The following THSD7A variants were observed in gnomAD, a reference collection of about 807,000 sequenced individuals.
THSD7A encodes thrombospondin type 1 domain containing 7A.
In THSD7A, 96 loss-of-function variants were observed where a neutral mutation model predicts 231.3. The ratio of observed to expected loss-of-function variants is 0.41; its 90% CI spans 0.35 to 0.49. The LOEUF (loss-of-function observed/expected upper bound fraction) is 0.49. Ranked by LOEUF, THSD7A falls within the 20% of genes least tolerant of loss-of-function variation. The pLI is 0.05. For missense variants in THSD7A, 2,290 were observed against 2,070.2 expected (o/e 1.11, Z -2.06); for synonymous variants, 940 against 743.3 (o/e 1.26, Z -4.30).
intron 4 of THSD7A, among the ~76,000 whole-genome samples, chr7:11,567,328 T>C (rs998237014): frequency 2.0e-5 from 3 of 151,706 alleles, no homozygotes; most frequent in Non-Finnish European, 2.9e-5. Flanking sequence ...TATAAAACCA[T>C]CAAATCTCGT....
chr7:11,412,244 C>T (rs1450546399), intron 18 of THSD7A, among the ~76,000 whole-genome samples: 2 of 152,136 alleles, frequency 1.3e-5, no homozygotes, highest in Non-Finnish European at 2.9e-5. Context: ...GCTGACTAAT[C>T]ATGTTTATAA....
At chr7:11,822,400 G>A (rs1011303231) in intron 1 of THSD7A, among the ~76,000 whole-genome samples, 2 of 152,084 alleles carry the variant, frequency 1.3e-5, no homozygotes, top group African/African-American at 4.8e-5. Context: ...TGGCTGAATA[G>A]TATTATATTG....
intron 2 of THSD7A, among the ~76,000 whole-genome samples, chr7:11,626,328 A>G (rs1000079866): frequency 5.3e-5 from 8 of 152,158 alleles, no homozygotes; most frequent in African/African-American, 1.9e-4. Context: ...TTTGCAGGTG[A>G]TGAATATGTT....
At chr7:11,609,758 T>C (rs1273836605) in intron 2 of THSD7A, among the ~76,000 whole-genome samples, 2 of 152,298 alleles carry the variant, frequency 1.3e-5, no homozygotes, top group East Asian at 3.9e-4. Context: ...ATTCAATCTG[T>C]TTAAAAACAT....
intron 1 of THSD7A, among the ~76,000 whole-genome samples, chr7:11,816,912 A>T (rs1434508054): frequency 6.6e-6 from 1 of 152,214 alleles, no homozygotes; most frequent in African/African-American, 2.4e-5. Flanking sequence ...GCATGCATCT[A>T]GATATGCAGA....
chr7:11,420,627 C>G (rs1784112725), intron 16 of THSD7A, among the ~76,000 whole-genome samples: 1 of 152,218 alleles, frequency 6.6e-6, no homozygotes, highest in Middle Eastern at 3.2e-3. Context: ...CACACAGAGT[C>G]CCCACTGGGG....
chr7:11,693,507 C>A (rs75397938), intron 1 of THSD7A, among the ~76,000 whole-genome samples: 4,764 of 151,578 alleles, frequency 0.031, 258 homozygotes, highest in African/African-American at 0.11. Context: ...AGATTAACAT[C>A]TAGTCTTTGT....
chr7:11,470,279 T>A (rs989517578), intron 8 of THSD7A, among the ~76,000 whole-genome samples: 2 of 152,092 alleles, frequency 1.3e-5, no homozygotes, highest in Non-Finnish European at 2.9e-5. Context: ...CCTCTTATAA[T>A]CTCTCCATTA....
At position 11,382,543 on chromosome 7, in the gene THSD7A, C is replaced by A; in HGVS notation, c.4485G>T (p.Arg1495Ser). The A allele has an allele frequency of 2.5e-6, 4 of 1,612,682 alleles. No individual in the cohort carries two copies. Among genetic ancestry groups the A allele is most frequent in the South Asian group, 1.1e-5 (1 of 90,966 alleles). Residue 1495 changes from arginine to serine, a missense_variant, in exon 24 of 28, where the codon AGG becomes AGT. Transcript: ENST00000423059. Reference sequence around the variant, plus strand: ...TACCTGTTACATTTATACCATCTGACCTTTGACACCACACTGTTCGGGAAG... The same window carrying A: ...TACCTGTTACATTTATACCATCTGAACTTTGACACCACACTGTTCGGGAAG... ...KGSSRTVWCQ[R>S]SDGINVTGGC...
At chr7:11,753,974 G>A (rs188120140) in intron 1 of THSD7A, among the ~76,000 whole-genome samples, 1 of 151,818 alleles carries the variant, frequency 6.6e-6, no homozygotes, top group African/African-American at 2.4e-5. Flanking sequence ...ACTATGGAAA[G>A]GACAAAATCT....
At chr7:11,407,500 A>G (rs1459262549) in intron 19 of THSD7A, 77 bp from the exon 20 acceptor site, 3 of 1,092,816 alleles carry the variant, frequency 2.7e-6, no homozygotes, top group Admixed American at 2.2e-5. Flanking sequence ...ACAAGAAAGA[A>G]GAGAAGGAGG....
intron 1 of THSD7A, among the ~76,000 whole-genome samples, chr7:11,687,281 TAAG>T (rs1780088265): frequency 6.6e-6 from 1 of 151,974 alleles, no homozygotes; most frequent in South Asian, 2.1e-4. Flanking sequence ...CGCTAATCAC[TAAG>T]AAGAAGAAAT....
At chr7:11,578,547 C>G (rs1030807838) in intron 4 of THSD7A, among the ~76,000 whole-genome samples, 1 of 152,192 alleles carries the variant, frequency 6.6e-6, no homozygotes, top group African/African-American at 2.4e-5. Context: ...GGATAAAACA[C>G]TATGCCCTCT....
chr7:11,750,889 C>T (rs1782478504), intron 1 of THSD7A, among the ~76,000 whole-genome samples: 1 of 151,966 alleles, frequency 6.6e-6, no homozygotes. Flanking sequence ...GATTACTAGA[C>T]AATAGAGTCA....
chr7:11,456,106 A>G (rs928986911), intron 11 of THSD7A, among the ~76,000 whole-genome samples: 8 of 152,052 alleles, frequency 5.3e-5, no homozygotes, highest in Non-Finnish European at 1.5e-5. Context: ...CTGAATCATA[A>G]TAGGTGACCT....
chr7:11,735,457 C>A (rs1562516234), intron 1 of THSD7A, among the ~76,000 whole-genome samples: 1 of 151,902 alleles, frequency 6.6e-6, no homozygotes, highest in African/African-American at 2.4e-5. Context: ...TATTTGAAAT[C>A]TTGCATAAAA....
chr7:11,482,079 T>C, intron 6 of THSD7A, 97 bp from the exon 7 acceptor site: 1 of 1,302,330 alleles, frequency 7.7e-7, no homozygotes, highest in East Asian at 2.5e-5. Flanking sequence ...ACATTATCTT[T>C]CTTTTGCTCT....
chr7:11,435,714 T>C (rs2128291803), intron 13 of THSD7A, among the ~76,000 whole-genome samples: 1 of 152,204 alleles, frequency 6.6e-6, no homozygotes, highest in South Asian at 2.1e-4. Context: ...ATCCTTTTGC[T>C]ATTATAAAAC....
intron 6 of THSD7A, among the ~76,000 whole-genome samples, chr7:11,490,904 T>C (rs963046425): frequency 6.6e-6 from 1 of 152,126 alleles, no homozygotes; most frequent in Admixed American, 6.6e-5. Context: ...CTGAGAAAAA[T>C]TTTTATTGGC....
Sources: allele counts gnomAD v4.1 joint callset (sites outside exome capture counted in the v4.1 genomes callset), GRCh38; gene constraint gnomAD v4.1.1; transcripts MANE v1.5; gene names NCBI Gene and HGNC (gene_info 2026-07-23, HGNC 2026-07-21).